Variants in ADCY2 observed in about 807,000 individuals in gnomAD.
ADCY2 encodes adenylate cyclase type 2.
ADCY2 carries 31 observed loss-of-function variants against 125.2 expected under a neutral mutation model. That is an observed-to-expected ratio of 0.25 (90% CI 0.19 to 0.33). The LOEUF (loss-of-function observed/expected upper bound fraction) is 0.33. Among genes scored for constraint, ADCY2 ranks in the 10% least tolerant of loss-of-function variants. ADCY2 has a pLI of 1.00. For synonymous variants in ADCY2, 512 were observed against 548.4 expected, an observed-to-expected ratio of 0.93 and a Z score of 0.93; for missense variants, 904 against 1,418.2, an observed-to-expected ratio of 0.64 and a Z score of 5.82.
intron 4 of ADCY2, among the ~76,000 whole-genome samples, chr5:7,688,743 G>T (rs993686932): frequency 6.6e-6 from 1 of 152,166 alleles, no homozygotes; most frequent in African/African-American, 2.4e-5. Context: ...CCCACAGGGT[G>T]CCTCACTGTA....
intron 3 of ADCY2, among the ~76,000 whole-genome samples, chr5:7,558,712 T>A (rs1257281774): frequency 1.3e-5 from 2 of 152,236 alleles, no homozygotes; most frequent in Non-Finnish European, 2.9e-5. Flanking sequence ...CAATTTTTGC[T>A]TCTGTTGTGA....
intron 4 of ADCY2, among the ~76,000 whole-genome samples, chr5:7,629,854 A>G: frequency 6.6e-6 from 1 of 152,214 alleles, no homozygotes; most frequent in African/African-American, 2.4e-5. Context: ...ATTCACAGCA[A>G]AATAAGAACA....
chr5:7,411,371 C>T (rs970680611), intron 1 of ADCY2, among the ~76,000 whole-genome samples: 2 of 152,166 alleles, frequency 1.3e-5, no homozygotes, highest in African/African-American at 2.4e-5. Flanking sequence ...TAACGTCACC[C>T]ATCTGGGGAG....
intron 2 of ADCY2, among the ~76,000 whole-genome samples, chr5:7,488,904 C>A (rs1029610470): frequency 6.6e-6 from 1 of 152,174 alleles, no homozygotes; most frequent in Non-Finnish European, 1.5e-5. Flanking sequence ...CCTGCCTGTG[C>A]AACCCCGAGG....
intron 3 of ADCY2, among the ~76,000 whole-genome samples, chr5:7,598,093 G>A (rs1737070767): frequency 6.6e-6 from 1 of 152,216 alleles, no homozygotes. Flanking sequence ...TACGCATGGT[G>A]TGGTGGAGTG....
chr5:7,779,574 ACCC>A (rs11351180), intron 18 of ADCY2, among the ~76,000 whole-genome samples: 1 of 150,264 alleles, frequency 6.7e-6, no homozygotes, highest in African/African-American at 2.5e-5. Context: ...TCCCAGTCCA[ACCC>A]CCCCCCCAAC....
At chr5:7,411,635 T>C (rs1400668737) in intron 1 of ADCY2, among the ~76,000 whole-genome samples, 1 of 152,004 alleles carries the variant, frequency 6.6e-6, no homozygotes, top group Admixed American at 6.5e-5. Context: ...CCCTGACAAA[T>C]CACATCTCGG....
intron 22 of ADCY2, among the ~76,000 whole-genome samples, chr5:7,812,040 A>G (rs923185511): frequency 6.6e-6 from 1 of 152,190 alleles, no homozygotes; most frequent in Non-Finnish European, 1.5e-5. Flanking sequence ...TGAGGTGGGC[A>G]CAGAGAATCT....
At chr5:7,681,683 G>A (rs1209863646) in intron 4 of ADCY2, among the ~76,000 whole-genome samples, 1 of 152,152 alleles carries the variant, frequency 6.6e-6, no homozygotes, top group Admixed American at 6.5e-5. Flanking sequence ...GCTTGGCTTG[G>A]TGGGGAGAGA....
intron 22 of ADCY2, among the ~76,000 whole-genome samples, chr5:7,815,007 C>T (rs76719954): frequency 0.02 from 3,023 of 152,234 alleles, 119 homozygotes; most frequent in African/African-American, 0.069. Context: ...TGGTATCCCA[C>T]TCTCCTTTCT....
chr5:7,756,914 C>A (rs1743011100), intron 15 of ADCY2, among the ~76,000 whole-genome samples: 1 of 152,196 alleles, frequency 6.6e-6, no homozygotes, highest in Non-Finnish European at 1.5e-5. Context: ...CCAGACGAGA[C>A]CACACAAAGC....
At chr5:7,754,862 GA>G (rs905197674) in intron 15 of ADCY2, among the ~76,000 whole-genome samples, 77 of 139,362 alleles carry the variant, frequency 5.5e-4, no homozygotes, top group Admixed American at 7.9e-4. Flanking sequence ...TCCGTCTCAG[GA>G]AAAAAAAAAA....
At chr5:7,511,548 C>T (rs1321534144) in intron 2 of ADCY2, among the ~76,000 whole-genome samples, 1 of 151,894 alleles carries the variant, frequency 6.6e-6, no homozygotes, top group African/African-American at 2.4e-5. Context: ...GCACTCCAGC[C>T]TGGGTGACAG....
chr5:7,522,724 A>G (rs1744491443), intron 3 of ADCY2: 1 of 143,008 alleles, frequency 7.0e-6, no homozygotes, highest in African/African-American at 2.7e-5. Context: ...AACACGGTGA[A>G]ACCCCATCTC....
intron 3 of ADCY2, among the ~76,000 whole-genome samples, chr5:7,560,043 A>T (rs943165503): frequency 4.4e-4 from 67 of 152,220 alleles, no homozygotes; most frequent in Non-Finnish European, 8.1e-4. Context: ...TTATTCAAAG[A>T]CAAGAGCATT....
At chr5:7,412,074 CAA>C (rs35911952) in intron 1 of ADCY2, among the ~76,000 whole-genome samples, 2 of 137,868 alleles carry the variant, frequency 1.5e-5, no homozygotes, top group African/African-American at 2.7e-5. Flanking sequence ...GACTCCGTCT[CAA>C]AAAAAAAAAA....
chr5:7,679,594 AG>A lies in ADCY2; in HGVS notation c.721-11096del, dbSNP rs1370103778. Among the ~76,000 whole-genome samples, 4 of 152,296 alleles carry A rather than the reference AG, an allele frequency of 2.6e-5. No individual in the cohort carries two copies. The East Asian group carries it at 7.7e-4, about 29-fold the overall frequency. On this transcript the variant is annotated intron_variant, in intron 4 of 24. Transcript: ENST00000338316. ...AGGTTGAGGAAGGGGCAGGTTCTGA[AG>A]TGTGAATGGCAGGAGCCTGCTTCAC... is the stretch of plus-strand genomic sequence containing the variant.
chr5:7,484,403 T>C (rs968961622), intron 2 of ADCY2, among the ~76,000 whole-genome samples: 9 of 152,086 alleles, frequency 5.9e-5, no homozygotes, highest in Admixed American at 5.9e-4. Context: ...AATAATGAAA[T>C]TGTGTGAGTG....
At chr5:7,805,221 C>G (rs1332586364) in intron 22 of ADCY2, among the ~76,000 whole-genome samples, 3 of 151,666 alleles carry the variant, frequency 2.0e-5, no homozygotes, top group African/African-American at 7.3e-5. Flanking sequence ...ACTCAAGAGG[C>G]TGAGATGGGA....
Sources: allele counts gnomAD v4.1 joint callset (sites outside exome capture counted in the v4.1 genomes callset), GRCh38; gene constraint gnomAD v4.1.1; transcripts MANE v1.5; gene names NCBI Gene and HGNC (gene_info 2026-07-23, HGNC 2026-07-21).